The following SYMPK variants were observed in gnomAD, a reference collection of about 807,000 sequenced individuals.
The protein encoded by SYMPK is symplekin scaffold protein, also known as symplekin.
In SYMPK, 49 loss-of-function variants were observed where a neutral mutation model predicts 136.4. That is an observed-to-expected ratio of 0.36 (90% CI 0.29 to 0.46). SYMPK has a LOEUF of 0.46. Ranked by LOEUF, SYMPK falls within the 20% of genes least tolerant of loss-of-function variation. The probability of loss-of-function intolerance (pLI) is 1.00; values close to 1 mark genes in which losing one functional copy is unlikely to be tolerated. For synonymous variants in SYMPK, 766 were observed against 713.0 expected (o/e 1.07, Z -1.19); for missense variants, 1,365 against 1,690.0 (o/e 0.81, Z 3.37).
intron 22 of SYMPK, 22 bp from the exon 23 acceptor site, chr19:45,818,168 G>A: frequency 6.6e-7 from 1 of 1,517,916 alleles, no homozygotes; most frequent in East Asian, 2.5e-5. Flanking sequence ...CGGAGAGTGG[G>A]CCTGTCCTCT....
chr19:45,834,010 G>A (rs554730739), intron 11 of SYMPK, among the ~76,000 whole-genome samples: 36 of 151,798 alleles, frequency 2.4e-4, no homozygotes, highest in Non-Finnish European at 4.4e-4. Context: ...AACTAGGGCC[G>A]GGTGCACTGG....
chr19:45,854,103 C>T, intron 3 of SYMPK, 72 bp downstream of exon 3: 1 of 1,432,486 alleles, frequency 7.0e-7, no homozygotes, highest in South Asian at 1.1e-5. Context: ...GGTGTTACTG[C>T]AAGTGTCTTT....
chr19:45,835,440 A>G (rs1971279679), intron 10 of SYMPK, among the ~76,000 whole-genome samples: 1 of 152,234 alleles, frequency 6.6e-6, no homozygotes, highest in Admixed American at 6.5e-5. Context: ...TGTGAGCCAC[A>G]GCAGGAGCCA....
chr19:45,837,579 T>G (rs1230620979), intron 10 of SYMPK, among the ~76,000 whole-genome samples: 1 of 132,966 alleles, frequency 7.5e-6, no homozygotes, highest in African/African-American at 2.9e-5. Flanking sequence ...ATCGCGCCAC[T>G]GCACTCCAGT....
At chr19:45,848,970 C>A in intron 5 of SYMPK, 94 bp from the exon 6 acceptor site, 1 of 1,486,096 alleles carries the variant, frequency 6.7e-7, no homozygotes, top group Non-Finnish European at 9.3e-7. Flanking sequence ...AATCAGGGAC[C>A]TGTCTCAGGG....
chr19:45,852,376 C>T lies in SYMPK; in HGVS notation c.235G>A (p.Ala79Thr), dbSNP rs1232849316. 7 of 1,614,204 alleles carry T rather than the reference C, an allele frequency of 4.3e-6. No individual in the cohort carries two copies. The highest frequency in any genetic ancestry group is 5.9e-6 in the Non-Finnish European group (7 of 1,180,040). Reference sequence around the variant, plus strand: ...TCGATTGACTTGTCTGCTTGGAATGCGATGATCTCCTGCCAATGTTAGAGA... The same window carrying T: ...TCGATTGACTTGTCTGCTTGGAATGTGATGATCTCCTGCCAATGTTAGAGA... ...LLDNFLDEIIAFQADKSIEVR... is the reference protein window; with the variant it reads ...LLDNFLDEIITFQADKSIEVR... The change falls in exon 5 of 27, where the codon GCA becomes ACA. Residue 79 changes from alanine (A) to threonine (T), a missense_variant. Ala to Thr is a moderately conservative substitution (Grantham distance 58, BLOSUM62 0). This residue lies in a region of SYMPK where 237 missense variants were observed against 292.9 expected (regional missense o/e 0.81). Transcript: ENST00000245934.
At chr19:45,860,629 T>C (rs1353986175) in intron 1 of SYMPK, among the ~76,000 whole-genome samples, 1 of 152,214 alleles carries the variant, frequency 6.6e-6, no homozygotes, top group East Asian at 1.9e-4. Flanking sequence ...AGAATTAATA[T>C]ACATGAGTTA....
chr19:45,841,333 C>A (rs1375898543), intron 9 of SYMPK, among the ~76,000 whole-genome samples: 5 of 149,520 alleles, frequency 3.3e-5, no homozygotes, highest in African/African-American at 1.2e-4. Context: ...ACTCTTGTCA[C>A]CCAGACTGGA....
At chr19:45,841,940 T>C (rs1022627272) in intron 9 of SYMPK, among the ~76,000 whole-genome samples, 41 of 151,926 alleles carry the variant, frequency 2.7e-4, no homozygotes, top group Non-Finnish European at 5.4e-4. Flanking sequence ...AACGTATATT[T>C]TGATAATTCT....
chr19:45,830,356 G>C (rs2146314116), intron 12 of SYMPK, 152 bp from the exon 13 acceptor site: 1 of 871,062 alleles, frequency 1.1e-6, no homozygotes, highest in Non-Finnish European at 1.7e-6. Flanking sequence ...CTGAGGCACG[G>C]TGTGGCGGTG....
intron 23 of SYMPK, 77 bp downstream of exon 23, chr19:45,817,882 G>C (rs997789512): frequency 3.6e-4 from 520 of 1,427,298 alleles, no homozygotes; most frequent in Non-Finnish European, 4.7e-4. Flanking sequence ...TCCGGGGTCA[G>C]ACGGGGGAAG....
At chr19:45,827,741 C>A in intron 15 of SYMPK, 96 bp downstream of exon 15, 2 of 1,519,842 alleles carry the variant, frequency 1.3e-6, no homozygotes, top group South Asian at 1.1e-5. Flanking sequence ...CTCACAAAAC[C>A]CCCGGCCACA....
chr19:45,823,031 C>A (rs1970944065), intron 20 of SYMPK, among the ~76,000 whole-genome samples, 185 bp from the exon 21 acceptor site: 1 of 152,198 alleles, frequency 6.6e-6, no homozygotes, highest in South Asian at 2.1e-4. Flanking sequence ...ATCTGAGCCC[C>A]CTGCATGTCA....
At chr19:45,839,976 T>C (rs920764587) in intron 9 of SYMPK, among the ~76,000 whole-genome samples, 1 of 152,196 alleles carries the variant, frequency 6.6e-6, no homozygotes, top group African/African-American at 2.4e-5. Context: ...TAGAGAAAGC[T>C]GGTTGAAACT....
At chr19:45,852,855 A>G (rs1222107708) in intron 3 of SYMPK, among the ~76,000 whole-genome samples, 1 of 152,144 alleles carries the variant, frequency 6.6e-6, no homozygotes, top group East Asian at 1.9e-4. Flanking sequence ...AAAAGAGGAA[A>G]GTGCCCCAAG....
chr19:45,859,493 G>A (rs1407383506), intron 1 of SYMPK, among the ~76,000 whole-genome samples: 1 of 152,072 alleles, frequency 6.6e-6, no homozygotes, highest in African/African-American at 2.4e-5. Context: ...CCAGCTACTT[G>A]GGAGGCTGAG....
intron 9 of SYMPK, among the ~76,000 whole-genome samples, 153 bp from the exon 10 acceptor site, chr19:45,838,768 T>G (rs1971367006): frequency 6.6e-6 from 1 of 152,220 alleles, no homozygotes; most frequent in African/African-American, 2.4e-5. Flanking sequence ...CTGCCTCTGG[T>G]GCCAAACCAC....
At position 45,816,146 on chromosome 19, in the gene SYMPK, G is replaced by A. The variant is rs745477965; in HGVS notation, c.3392C>T (p.Ala1131Val). The change falls in exon 26 of 27, where the codon GCA becomes GTA. Residue 1131 changes from alanine to valine, a missense_variant. Ala to Val is a moderately conservative substitution (Grantham distance 64). Around this residue, in one of 11 missense-constraint regions of SYMPK, gnomAD observed 341 missense variants for 270.5 expected, o/e 1.26. Coordinates refer to ENST00000245934, the MANE Select transcript of SYMPK (RefSeq NM_004819.3). ...GATGAGGTCCTGAGGGGGCCGGGGT[G>A]CTGGGGCCGGGGCCAAGGTCAGGGG... ...LEPLTLAPAP[A>V]PRPPQDLIGL... 1 of 1,547,612 alleles carries A rather than the reference G, an allele frequency of 6.5e-7. No homozygotes were observed. The highest frequency in any genetic ancestry group is 8.7e-7 in the Non-Finnish European group (1 of 1,143,292).
intron 16 of SYMPK, 141 bp from the exon 17 acceptor site, chr19:45,826,514 T>C (rs1971047401): frequency 2.3e-6 from 2 of 858,572 alleles, no homozygotes; most frequent in Non-Finnish European, 3.6e-6. Flanking sequence ...GGCCCAGGGC[T>C]GGTCCCCAGT....
Sources: gnomAD v4.1 joint callset for allele counts (sites outside exome capture counted in the v4.1 genomes callset) on GRCh38, gnomAD v4.1.1 for gene constraint, gnomAD v4.1.1 regional missense constraint, MANE v1.5 for transcripts, NCBI Gene and HGNC (gene_info 2026-07-23, HGNC 2026-07-21) for gene names.